Variants in AXL observed in about 807,000 individuals in gnomAD.
AXL encodes the protein AXL receptor tyrosine kinase.
Under a neutral mutation model 104.5 loss-of-function variants are expected in AXL, and 52 were observed. That is an observed-to-expected ratio of 0.50 (90% CI 0.40 to 0.63). AXL has a LOEUF of 0.63. Among genes scored for constraint, AXL ranks in the 20% least tolerant of loss-of-function variants. The pLI, the probability that AXL is intolerant of heterozygous loss-of-function variation, is 0.00. For synonymous variants in AXL, 455 were observed against 473.7 expected (o/e 0.96, Z 0.51); for missense variants, 1,024 against 1,188.5 (o/e 0.86, Z 2.04).
rs781216649 is a variant in AXL at position 41,225,871 on chromosome 19, T to C, written c.586+3815T>C. Reference sequence around the variant, plus strand: ...GGGGGGTTTGCTGTGTGAAGGAATTTCGTCCGTTTGTGTGCGTCTGTCCCT... The same window carrying C: ...GGGGGGTTTGCTGTGTGAAGGAATTCCGTCCGTTTGTGTGCGTCTGTCCCT... On this transcript the variant is annotated intron_variant, in intron 4 of 19. Transcript: ENST00000301178. Among the ~76,000 whole-genome samples the C allele has an allele frequency of 3.1e-4, 47 of 152,140 alleles. 1 individual carries two copies. Among genetic ancestry groups the C allele is most frequent in the Non-Finnish European group, 6.3e-4 (43 of 68,020 alleles).
chr19:41,227,341 C>T (rs557997288), intron 4 of AXL, among the ~76,000 whole-genome samples: 1 of 152,196 alleles, frequency 6.6e-6, no homozygotes, highest in Non-Finnish European at 1.5e-5. Flanking sequence ...TGTTTTCTTA[C>T]TATAGATCTT....
Position 41,239,275 on chromosome 19 carries a change from C to G in AXL, c.1246C>G (p.Pro416Ala), listed in dbSNP as rs1312823021. ...VAAYTAAGDG[P>A]WSLPVPLEAW... is the part of the protein sequence containing the mutation. ...AGCCTACACTGCTGCTGGGGATGGA[C>G]CCTGGAGCCTCCCAGTACCCCTGGA... Residue 416 changes from proline to alanine, a missense_variant, in exon 9 of 20, where the codon CCC becomes GCC. Transcript: ENST00000301178. 6.2e-7 allele frequency: 1 copy of G among 1,604,864 alleles called. No homozygotes were observed. Among genetic ancestry groups the G allele is most frequent in the South Asian group, 1.1e-5 (1 of 89,700 alleles).
chr19:41,236,374 C>A (rs576548229), intron 6 of AXL, among the ~76,000 whole-genome samples: 1 of 150,582 alleles, frequency 6.6e-6, no homozygotes, highest in East Asian at 2.0e-4. Flanking sequence ...TGGTTGCTCA[C>A]GCCTGTAATC....
At chr19:41,229,083 G>C (rs1355071820) in intron 4 of AXL, among the ~76,000 whole-genome samples, 1 of 151,306 alleles carries the variant, frequency 6.6e-6, no homozygotes, top group Non-Finnish European at 1.5e-5. Context: ...CTGAGTAGCT[G>C]GGATTAAAGG....
chr19:41,224,595 G>A (rs903624316), intron 4 of AXL, among the ~76,000 whole-genome samples: 11 of 152,128 alleles, frequency 7.2e-5, no homozygotes, highest in African/African-American at 2.4e-4. Context: ...TGTTGCCCAG[G>A]CTGCTCTTGA....
chr19:41,243,604 C>T lies in AXL; in HGVS notation c.1446-12C>T, dbSNP rs369488358. 8.7e-6 allele frequency: 14 copies of T among 1,609,960 alleles called. No individual in the cohort carries two copies. In the African/African-American group the frequency reaches 9.4e-5, roughly 11 times the overall value. ...TTTTTCCCTGCCCTCACCTACTCCC[C>T]CTCCCCCCCAGAGAAGTGTTTGAAC... On this transcript the variant is annotated splice_polypyrimidine_tract_variant and intron_variant, in intron 11 of 19. Coordinates refer to ENST00000301178, the MANE Select transcript of AXL (RefSeq NM_021913.5).
At chr19:41,239,039 G>T in intron 8 of AXL, 125 bp from the exon 9 acceptor site, 2 of 1,112,982 alleles carry the variant, frequency 1.8e-6, no homozygotes, top group South Asian at 3.1e-5. Flanking sequence ...GGAGGACGAG[G>T]AAGGATGAGG....
At chr19:41,231,156 G>A (rs1469223442) in intron 5 of AXL, 27 bp from the exon 6 acceptor site, 1 of 1,610,024 alleles carries the variant, frequency 6.2e-7, no homozygotes, top group Non-Finnish European at 8.5e-7. Context: ...AGGCTCCCCA[G>A]GGTCAATCTC....
Position 41,220,663 on chromosome 19 carries a change from T to G in AXL, c.113T>G (p.Val38Gly), listed in dbSNP as rs747638130. ...RGTQAEESPF[V>G]GNPGNITGAR... is the part of the protein sequence containing the mutation. ...ACGCAGGCTGAAGAAAGTCCCTTCG[T>G]GGGCAACCCAGGGAATATCACAGGT... Residue 38 changes from valine to glycine, a missense_variant, in exon 2 of 20, where the codon GTG (valine) becomes GGG (glycine). By Grantham distance (109) the Val-to-Gly change is moderately radical (BLOSUM62 -3). Around this residue, in one of 5 missense-constraint regions of AXL, gnomAD observed 124 missense variants for 115.5 expected, o/e 1.07. Transcript: ENST00000301178. 6 of 1,599,912 alleles carry G rather than the reference T, an allele frequency of 3.8e-6. No homozygotes were observed. The highest frequency in any genetic ancestry group is 5.1e-6 in the Non-Finnish European group (6 of 1,173,280).
intron 4 of AXL, among the ~76,000 whole-genome samples, chr19:41,224,164 T>C (rs2033839736): frequency 6.6e-6 from 1 of 151,930 alleles, no homozygotes; most frequent in East Asian, 1.9e-4. Flanking sequence ...TGTGTTTGTG[T>C]GTTCACAGCT....
Position 41,235,701 on chromosome 19 carries a change from T to C in AXL, c.784-2243T>C, listed in dbSNP as rs184794403. Among the ~76,000 whole-genome samples, 118 of 152,292 alleles carry C rather than the reference T, an allele frequency of 7.7e-4. 1 individual carries two copies. The highest frequency in any genetic ancestry group is 2.7e-3 in the African/African-American group (114 of 41,572). ...ACAGGATGGGGTTTAGGTCCCAGCTTCATCAGTGACAAACTGATGACCTTG... is the reference window on the plus strand; with the variant it reads ...ACAGGATGGGGTTTAGGTCCCAGCTCCATCAGTGACAAACTGATGACCTTG... On this transcript the variant is annotated intron_variant, in intron 6 of 19. Transcript: ENST00000301178.
At chr19:41,257,766 AC>A in intron 19 of AXL, 137 bp downstream of exon 19, 1 of 1,133,646 alleles carries the variant, frequency 8.8e-7, no homozygotes, top group Non-Finnish European at 1.3e-6. Flanking sequence ...CTTGCCCCTC[AC>A]CAATGCTCTG....
rs183835905 is a variant in AXL at position 41,238,178 on chromosome 19, C to T, written c.994+24C>T. The T allele has an allele frequency of 2.2e-4, 354 of 1,610,202 alleles. No individual in the cohort carries two copies. In the African/African-American group the frequency reaches 3.4e-3, roughly 15 times the overall value. On this transcript the variant is annotated intron_variant, in intron 7 of 19. Coordinates refer to ENST00000301178, the MANE Select transcript of AXL (RefSeq NM_021913.5). ...AGGTAAGAAGGGTTGGGGAGGGACACGTCACCACTGCCCCACCGGACCTTG... is the reference window on the plus strand; with the variant it reads ...AGGTAAGAAGGGTTGGGGAGGGACATGTCACCACTGCCCCACCGGACCTTG...
In AXL at chr19:41,253,605, C is replaced by T. The variant is rs551474166; in HGVS notation, c.1933C>T (p.Pro645Ser). Residue 645 changes from proline to serine, a missense_variant, in exon 17 of 20, where the codon CCC (proline) becomes TCC (serine). This residue lies in a region of AXL where 523 missense variants were observed against 636.0 expected (regional missense o/e 0.82). Coordinates refer to ENST00000301178, the MANE Select transcript of AXL (RefSeq NM_021913.5). ...SRLGDQPVYLPTQMLVKFMAD... is the reference protein window; with the variant it reads ...SRLGDQPVYLSTQMLVKFMAD... ...ACCTGCCTTGGCTCCCCAGTACCTG[C>T]CCACTCAGATGCTAGTGAAGTTCAT... 1.2e-6 allele frequency: 2 copies of T among 1,613,100 alleles called. No individual in the cohort carries two copies. The highest frequency in any genetic ancestry group is 2.2e-5 in the South Asian group (2 of 90,810).
intron 10 of AXL, among the ~76,000 whole-genome samples, chr19:41,242,008 C>T (rs757612245): frequency 2.6e-5 from 4 of 152,304 alleles, no homozygotes; most frequent in Non-Finnish European, 5.9e-5. Flanking sequence ...TCTAGTCCAC[C>T]CTTCTTGCAC....
intron 7 of AXL, 94 bp downstream of exon 7, chr19:41,238,248 C>A (rs2034117432): frequency 6.8e-7 from 1 of 1,476,270 alleles, no homozygotes; most frequent in Non-Finnish European, 9.4e-7. Context: ...CTCCTTTACC[C>A]CTCATGGCCT....
At chr19:41,222,382 G>C (rs2033807061) in intron 4 of AXL, among the ~76,000 whole-genome samples, 3 of 151,944 alleles carry the variant, frequency 2.0e-5, no homozygotes, top group Non-Finnish European at 4.4e-5. Flanking sequence ...CTTTGTCCTG[G>C]GTTTCCTCTG....
chr19:41,250,799 C>A (rs1214593073), intron 14 of AXL, among the ~76,000 whole-genome samples: 1 of 152,146 alleles, frequency 6.6e-6, no homozygotes, highest in Non-Finnish European at 1.5e-5. Context: ...AGAGCAGTGG[C>A]AGGATCACAG....
intron 16 of AXL, 48 bp downstream of exon 16, chr19:41,253,015 A>T (rs756643323): frequency 3.1e-6 from 5 of 1,601,142 alleles, no homozygotes; most frequent in Non-Finnish European, 4.3e-6. Context: ...CTGAGCATCT[A>T]TCAGGTACCC....
Sources: gnomAD v4.1 joint callset for allele counts (sites outside exome capture counted in the v4.1 genomes callset) on GRCh38, gnomAD v4.1.1 for gene constraint, gnomAD v4.1.1 regional missense constraint, MANE v1.5 for transcripts, NCBI Gene and HGNC (gene_info 2026-07-23, HGNC 2026-07-21) for gene names.